The following ARMCX4 variants were observed in gnomAD, a reference collection of about 807,000 sequenced individuals.
The protein encoded by ARMCX4 is armadillo repeat-containing X-linked protein 4.
ARMCX4 carries 3 observed loss-of-function variants against 34.7 expected under a neutral mutation model. The ratio of observed to expected loss-of-function variants is 0.09; its 90% CI spans 0.04 to 0.22. The LOEUF is 0.22. ARMCX4 is among the 10% of genes least tolerant of loss of function. The pLI is 1.00. For synonymous variants in ARMCX4, 513 were observed against 632.8 expected (o/e 0.81, Z 2.84); for missense variants, 1,448 against 1,720.8 (o/e 0.84, Z 2.81).
intron 4 of ARMCX4, among the ~76,000 whole-genome samples, chrX:101,453,879 A>G (rs1488386186): frequency 1.8e-5 from 2 of 111,011 alleles, no homozygotes; most frequent in African/African-American, 6.6e-5. Context: ...CAGAGAGGCA[A>G]GTACGATAGG....
At chrX:101,511,344 A>T (rs1319311349) in intron 11 of ARMCX4, among the ~76,000 whole-genome samples, 3 of 110,802 alleles carry the variant, frequency 2.7e-5, no homozygotes, top group Non-Finnish European at 3.8e-5. Context: ...TGATACATGG[A>T]GCTTTTCCTG....
chrX:101,479,731 G>A (rs373039087), intron 4 of ARMCX4, among the ~76,000 whole-genome samples: 61 of 110,485 alleles, frequency 5.5e-4, no homozygotes, highest in Admixed American at 1.4e-3. Flanking sequence ...TCCACCTGCC[G>A]TGACCTCCTA....
chrX:101,456,541 C>T (rs5991906), intron 4 of ARMCX4, among the ~76,000 whole-genome samples: 47,997 of 109,683 alleles, frequency 0.44, 8,157 homozygotes, highest in African/African-American at 0.62. Flanking sequence ...TTTTAAAGTA[C>T]TATAGATATG....
rs1933850171 is a variant in ARMCX4 at position 101,488,524 on chromosome X, C to T, written c.-66C>T. 1.7e-6 allele frequency: 2 copies of T among 1,154,198 alleles called. No homozygotes were observed. Among genetic ancestry groups the T allele is most frequent in the East Asian group, 3.3e-5 (1 of 30,752 alleles). On this transcript the variant is annotated 5_prime_UTR_variant, in exon 6 of 6. Coordinates refer to ENST00000423738, the MANE Select transcript of ARMCX4 (RefSeq NM_001256155.3). ...CACAGGCCTACACCCACAACTACCA[C>T]TCTCTTTACCCCAGCCCGAGTGCGC...
At chrX:101,498,881 C>T (rs1402879959), downstream of ARMCX4, 3 of 111,541 alleles carry the variant, frequency 2.7e-5, no homozygotes, top group African/African-American at 9.8e-5. Flanking sequence ...AGGGCTGGCA[C>T]TCCATCTTGC....
At position 101,489,657 on chromosome X, in the gene ARMCX4, G is replaced by A. The variant is rs1556008031; in HGVS notation, c.1068G>A (p.Val356=). The change falls in exon 6 of 6, where the codon GTG becomes GTA. Residue 356 remains valine (V), a synonymous_variant. Coordinates refer to ENST00000423738, the MANE Select transcript of ARMCX4 (RefSeq NM_001256155.3). ...GTAAGGTGGGGGCAGGGGCAGATGT[G>A]AGAGCTTGTATACAACCTCAGACTG... ...AMCKVGAGAD[V]RACIQPQTVA... The A allele has an allele frequency of 2.0e-5, 23 of 1,155,090 alleles. No homozygotes were observed. Among genetic ancestry groups the A allele is most frequent in the East Asian group, 3.3e-5 (1 of 30,760 alleles).
chrX:101,458,189 C>T (rs1556000632), intron 4 of ARMCX4, among the ~76,000 whole-genome samples: 3 of 110,200 alleles, frequency 2.7e-5, no homozygotes, highest in Non-Finnish European at 5.7e-5. Flanking sequence ...TTAACATATT[C>T]GATGTGTTTC....
intron 4 of ARMCX4, among the ~76,000 whole-genome samples, chrX:101,458,114 G>A (rs1256132990): frequency 9.3e-6 from 1 of 107,917 alleles, no homozygotes; most frequent in African/African-American, 3.3e-5. Flanking sequence ...GATTCCCTTA[G>A]CATCATCCTT....
intron 4 of ARMCX4, among the ~76,000 whole-genome samples, chrX:101,459,225 T>C (rs1411523810): frequency 1.8e-5 from 2 of 112,394 alleles, no homozygotes; most frequent in Non-Finnish European, 3.8e-5. Flanking sequence ...TACTTTGCCT[T>C]TTGTTTATGA....
chrX:101,434,512 C>T (rs1930557626), intron 2 of ARMCX4, among the ~76,000 whole-genome samples: 1 of 111,254 alleles, frequency 9.0e-6, no homozygotes, highest in Non-Finnish European at 1.9e-5. Context: ...TCCCAAAGTG[C>T]TAGAATTATA....
intron 4 of ARMCX4, among the ~76,000 whole-genome samples, chrX:101,464,035 G>A (rs1206168262): frequency 9.1e-6 from 1 of 110,285 alleles, no homozygotes; most frequent in African/African-American, 3.3e-5. Flanking sequence ...TGGGATTATA[G>A]GCGTGAGCCA....
intron 11 of ARMCX4, among the ~76,000 whole-genome samples, chrX:101,526,091 G>A (rs1016317703): frequency 9.0e-6 from 1 of 111,465 alleles, no homozygotes; most frequent in Admixed American, 9.5e-5. Flanking sequence ...GAGAAAGGTC[G>A]GGTTACCCAC....
intron 2 of ARMCX4, among the ~76,000 whole-genome samples, chrX:101,433,369 CATATGTACAT>C (rs1165645886): frequency 9.2e-6 from 1 of 108,577 alleles, no homozygotes; most frequent in African/African-American, 3.4e-5. Flanking sequence ...TACATATAAA[CATATGTACAT>C]ATATGTACAT....
chrX:101,441,555 T>C (rs1389341558), intron 2 of ARMCX4, among the ~76,000 whole-genome samples: 1 of 103,788 alleles, frequency 9.6e-6, no homozygotes, highest in Admixed American at 1.1e-4. Flanking sequence ...TGCATGCATG[T>C]ACACACACAT....
chrX:101,476,326 G>T (rs1257546614), intron 4 of ARMCX4, among the ~76,000 whole-genome samples: 1 of 108,568 alleles, frequency 9.2e-6, no homozygotes, highest in African/African-American at 3.4e-5. Context: ...TAAGTGATAA[G>T]TCCTGTAATG....
intron 2 of ARMCX4, among the ~76,000 whole-genome samples, chrX:101,435,837 G>T (rs1468905100): frequency 1.8e-5 from 2 of 110,757 alleles, no homozygotes; most frequent in Non-Finnish European, 3.8e-5. Flanking sequence ...GTAAGGAAGG[G>T]ATCCAGTTTC....
At chrX:101,459,009 G>T (rs1369181655) in intron 4 of ARMCX4, among the ~76,000 whole-genome samples, 2 of 111,796 alleles carry the variant, frequency 1.8e-5, no homozygotes, top group East Asian at 5.6e-4. Flanking sequence ...TTGTAGAAGG[G>T]AAGTATTGGG....
downstream of ARMCX4, among the ~76,000 whole-genome samples, chrX:101,496,347 A>G (rs1225665497): frequency 9.1e-6 from 1 of 110,267 alleles, no homozygotes; most frequent in Non-Finnish European, 1.9e-5. Flanking sequence ...AGGAGTGGTG[A>G]CTGGAGATTG....
chrX:101,491,845 A>G lies in ARMCX4; in HGVS notation c.3256A>G (p.Arg1086Gly). 3 of 1,155,947 alleles carry G rather than the reference A, an allele frequency of 2.6e-6. No individual in the cohort carries two copies. Among genetic ancestry groups the G allele is most frequent in the Non-Finnish European group, 3.4e-6 (3 of 872,545 alleles). Residue 1086 changes from arginine to glycine, a missense_variant, in exon 6 of 6, where the codon AGA becomes GGA. Coordinates refer to ENST00000423738, the MANE Select transcript of ARMCX4 (RefSeq NM_001256155.3). ...SEGGSGTQAC[R>G]KTQPNIHDYY... ...GGGTGGGTCAGGCACTCAAGCCTGC[A>G]GAAAGACTCAGCCTAACATCCATGA...
Sources: gnomAD v4.1 joint callset for allele counts (sites outside exome capture counted in the v4.1 genomes callset) on GRCh38, gnomAD v4.1.1 for gene constraint, MANE v1.5 for transcripts, NCBI Gene and HGNC (gene_info 2026-07-23, HGNC 2026-07-21) for gene names.